The following CREB3L2 variants were observed in gnomAD, a reference collection of about 807,000 sequenced individuals.
The protein encoded by CREB3L2 is cAMP responsive element binding protein 3 like 2.
CREB3L2 carries 23 observed loss-of-function variants against 57.2 expected under a neutral mutation model. That is an observed-to-expected ratio of 0.40 (90% confidence interval 0.29 to 0.57). The LOEUF (loss-of-function observed/expected upper bound fraction) is 0.57, where lower values mean the gene tolerates loss of function less well. CREB3L2 is among the 20% of genes least tolerant of loss of function. The pLI, the probability that CREB3L2 is intolerant of heterozygous loss-of-function variation, is 0.42. For synonymous variants in CREB3L2, 268 were observed against 265.1 expected, an observed-to-expected ratio of 1.01 and a Z score of -0.11; for missense variants, 628 against 634.7, an observed-to-expected ratio of 0.99 and a Z score of 0.11.
At chr7:137,917,075 C>A (rs762634096) in intron 2 of CREB3L2, among the ~76,000 whole-genome samples, 46 of 152,096 alleles carry the variant, frequency 3.0e-4, no homozygotes, top group Non-Finnish European at 5.7e-4. Context: ...TTTGTAATAA[C>A]CATCTGCCCT....
At chr7:137,905,611 G>A (rs1048252569) in intron 6 of CREB3L2, 91 bp downstream of exon 6, 1 of 1,362,942 alleles carries the variant, frequency 7.3e-7, no homozygotes, top group East Asian at 2.3e-5. Flanking sequence ...ATGGGATGGG[G>A]TAGTGCTGGC....
At chr7:137,960,247 G>A (rs895880401) in intron 1 of CREB3L2, among the ~76,000 whole-genome samples, 4 of 152,184 alleles carry the variant, frequency 2.6e-5, no homozygotes, top group Non-Finnish European at 4.4e-5. Flanking sequence ...ACCACCATCT[G>A]TCTGGTTACA....
chr7:137,906,429 AACCCACAGT>A (rs1799892882), intron 5 of CREB3L2, among the ~76,000 whole-genome samples: 1 of 152,206 alleles, frequency 6.6e-6, no homozygotes, highest in Non-Finnish European at 1.5e-5. Context: ...CATCTCATGG[AACCCACAGT>A]AGAATGGCAT....
At chr7:137,985,700 C>T (rs1407353469) in intron 1 of CREB3L2, among the ~76,000 whole-genome samples, 2 of 152,214 alleles carry the variant, frequency 1.3e-5, no homozygotes, top group Non-Finnish European at 2.9e-5. Flanking sequence ...TGTCTTCCCT[C>T]TTGTAACTTA....
intron 3 of CREB3L2, among the ~76,000 whole-genome samples, chr7:137,914,017 T>C (rs955471013): frequency 6.6e-6 from 1 of 152,092 alleles, no homozygotes; most frequent in African/African-American, 2.4e-5. Context: ...ACAATGCACT[T>C]AAATCGAGTC....
intron 2 of CREB3L2, among the ~76,000 whole-genome samples, chr7:137,923,009 G>A (rs1800370155): frequency 6.6e-6 from 1 of 152,164 alleles, no homozygotes; most frequent in East Asian, 1.9e-4. Flanking sequence ...ATGCTCCAAT[G>A]GAAGTTACAG....
intron 8 of CREB3L2, among the ~76,000 whole-genome samples, chr7:137,887,372 G>C (rs1040691957): frequency 1.4e-5 from 2 of 145,866 alleles, no homozygotes; most frequent in African/African-American, 5.6e-5. Context: ...TGGGTGAATT[G>C]GAGCAGCCCT....
chr7:137,944,930 T>C (rs1320863966), intron 1 of CREB3L2, among the ~76,000 whole-genome samples: 2 of 152,240 alleles, frequency 1.3e-5, no homozygotes, highest in African/African-American at 4.8e-5. Context: ...TCTTGCTCTG[T>C]AGACCAGGCT....
At chr7:137,926,700 C>T (rs1390427064) in intron 2 of CREB3L2, among the ~76,000 whole-genome samples, 2 of 152,026 alleles carry the variant, frequency 1.3e-5, no homozygotes, top group African/African-American at 2.4e-5. Flanking sequence ...GAGGTGAACA[C>T]CAACACCAAG....
chr7:137,908,567 G>A (rs1431380074), intron 4 of CREB3L2, 131 bp from the exon 5 acceptor site: 13 of 520,148 alleles, frequency 2.5e-5, no homozygotes, highest in Admixed American at 4.4e-5. Flanking sequence ...GGTGCAGAGC[G>A]TGGATATGGG....
chr7:137,987,073 AGGAGAGCCT>A (rs1801805185), intron 1 of CREB3L2, among the ~76,000 whole-genome samples: 1 of 152,236 alleles, frequency 6.6e-6, no homozygotes, highest in South Asian at 2.1e-4. Flanking sequence ...CTTGGGCTGC[AGGAGAGCCT>A]GGAGAGAAAG....
chr7:137,923,100 T>C (rs1018901360), intron 2 of CREB3L2, among the ~76,000 whole-genome samples: 2 of 152,178 alleles, frequency 1.3e-5, no homozygotes, highest in African/African-American at 2.4e-5. Flanking sequence ...GAGGTGGTGA[T>C]AGTAGTAGAA....
chr7:137,885,511 G>A lies in CREB3L2; in HGVS notation c.1044-9C>T. Reference sequence around the variant, plus strand: ...GTTGCTGAAGGAGAGTCCTGCCAATGATAACAACAGCCGTGAGGGGAGTCT... The same window carrying A: ...GTTGCTGAAGGAGAGTCCTGCCAATAATAACAACAGCCGTGAGGGGAGTCT... On this transcript the variant is annotated splice_polypyrimidine_tract_variant and intron_variant, in intron 8 of 11. Transcript: ENST00000330387. The A allele has an allele frequency of 6.2e-7, 1 of 1,603,508 alleles. No homozygotes were observed. Among genetic ancestry groups the A allele is most frequent in the Non-Finnish European group, 8.5e-7 (1 of 1,170,376 alleles).
In CREB3L2 at chr7:137,875,197, T is replaced by C. The variant is rs146229830; in HGVS notation, c.*5279A>G. 1.6e-4 allele frequency: 34 copies of C among 212,420 alleles called. No homozygotes were observed. The highest frequency in any genetic ancestry group is 6.1e-4 in the African/African-American group (27 of 44,210). 13.2% of individuals were successfully genotyped at this position (212,420 alleles called of 1,614,324 possible). ...CGTATTTAGATTTAAACACTGCTGGTCTACGTAACCTGTTACAAAAGAGAG... is the reference window on the plus strand; with the variant it reads ...CGTATTTAGATTTAAACACTGCTGGCCTACGTAACCTGTTACAAAAGAGAG... On this transcript the variant is annotated 3_prime_UTR_variant, in exon 12 of 12. Coordinates refer to ENST00000330387, the MANE Select transcript of CREB3L2 (RefSeq NM_194071.4).
rs1413391393 is a variant in CREB3L2 at position 137,957,834 on chromosome 7, T to C, written c.103-29468A>G. 4 of 1,235,552 alleles carry C rather than the reference T, an allele frequency of 3.2e-6. No homozygotes were observed. The Admixed American group carries it at 9.3e-5, about 29-fold the overall frequency. 76.5% of individuals were successfully genotyped at this position (1,235,552 alleles called of 1,614,324 possible). On this transcript the variant is annotated intron_variant, in intron 1 of 11. Transcript: ENST00000330387. ...CTCTGCTAAGGTATTAATTCATCAATAAGCAAAAACACTTCAGATGCATTC... is the reference window on the plus strand; with the variant it reads ...CTCTGCTAAGGTATTAATTCATCAACAAGCAAAAACACTTCAGATGCATTC...
chr7:137,884,829 G>A (rs1021817849), intron 10 of CREB3L2, 166 bp downstream of exon 10: 2 of 841,522 alleles, frequency 2.4e-6, no homozygotes, highest in East Asian at 2.5e-5. Context: ...TCCAGTGGAT[G>A]AGGGGCCCCA....
intron 1 of CREB3L2, among the ~76,000 whole-genome samples, chr7:137,948,040 A>G (rs984159391): frequency 6.6e-5 from 10 of 152,156 alleles, no homozygotes; most frequent in Non-Finnish European, 1.5e-4. Flanking sequence ...CTGGATGAAC[A>G]AGGTACTTCC....
At chr7:137,917,391 A>C (rs1253182085) in intron 2 of CREB3L2, among the ~76,000 whole-genome samples, 1 of 152,244 alleles carries the variant, frequency 6.6e-6, no homozygotes, top group Non-Finnish European at 1.5e-5. Flanking sequence ...AAGCAAGCCA[A>C]AGGCAACGTT....
chr7:137,978,729 G>T (rs987510160), intron 1 of CREB3L2, among the ~76,000 whole-genome samples: 1 of 152,160 alleles, frequency 6.6e-6, no homozygotes, highest in African/African-American at 2.4e-5. Flanking sequence ...TCCTGACTAG[G>T]GCAGTAGTGA....
Sources: gnomAD v4.1 joint callset for allele counts (sites outside exome capture counted in the v4.1 genomes callset) on GRCh38, gnomAD v4.1.1 for gene constraint, MANE v1.5 for transcripts, NCBI Gene and HGNC (gene_info 2026-07-23, HGNC 2026-07-21) for gene names.